Variants in SHTN1 observed in about 807,000 individuals in gnomAD.
SHTN1 encodes shootin-1.
SHTN1 carries 42 observed loss-of-function variants against 83.1 expected under a neutral mutation model. The observed-to-expected ratio is 0.51, with a 90% CI of 0.39 to 0.65. The LOEUF (loss-of-function observed/expected upper bound fraction) is 0.65. Ranked by LOEUF, SHTN1 falls within the 30% of genes least tolerant of loss-of-function variation. SHTN1 has a pLI of 0.00. For synonymous variants in SHTN1, 224 were observed against 247.7 expected, an observed-to-expected ratio of 0.90 and a Z score of 0.90; for missense variants, 622 against 737.8, an observed-to-expected ratio of 0.84 and a Z score of 1.82.
At chr10:117,012,558 ATAAAAAGGAGCC>A (rs1426010325) in intron 2 of SHTN1, among the ~76,000 whole-genome samples, 1 of 152,086 alleles carries the variant, frequency 6.6e-6, no homozygotes, top group African/African-American at 2.4e-5. Flanking sequence ...TCTTTTTTTT[ATAAAAAGGAGCC>A]GCAACACATG....
chr10:117,108,180 C>T lies in SHTN1; in HGVS notation c.-189+18127G>A, dbSNP rs185686989. ...AGTTGAAAAAGGACATATTAACTAC[C>T]ATTTAACCCAGCCATCCCATTACTG... is the stretch of plus-strand genomic sequence containing the variant. On this transcript the variant is annotated intron_variant, in intron 1 of 17. Transcript: ENST00000392901. Among the ~76,000 whole-genome samples the T allele has an allele frequency of 4.9e-3, 745 of 152,234 alleles. 10 individuals carry two copies. Among genetic ancestry groups the T allele is most frequent in the African/African-American group, 0.017 (707 of 41,538 alleles).
intron 13 of SHTN1, among the ~76,000 whole-genome samples, chr10:116,914,858 T>C (rs919479064): frequency 1.3e-5 from 2 of 152,174 alleles, no homozygotes; most frequent in African/African-American, 2.4e-5. Flanking sequence ...GGAAAACATT[T>C]GTGAAATTAA....
intron 9 of SHTN1, among the ~76,000 whole-genome samples, chr10:116,933,555 T>C (rs1317732932): frequency 6.6e-6 from 1 of 152,232 alleles, no homozygotes; most frequent in East Asian, 1.9e-4. Context: ...ATTTTCTTTA[T>C]CCAGTCTATC....
chr10:116,955,112 A>C (rs1338029569), intron 4 of SHTN1, among the ~76,000 whole-genome samples: 1 of 151,916 alleles, frequency 6.6e-6, no homozygotes, highest in Non-Finnish European at 1.5e-5. Context: ...AAAAAAAAAA[A>C]AAAAAAAAGG....
intron 9 of SHTN1, 121 bp downstream of exon 9, chr10:116,940,345 T>C: frequency 9.6e-7 from 1 of 1,038,074 alleles, no homozygotes; most frequent in Non-Finnish European, 1.4e-6. Flanking sequence ...ACTTAGTAAC[T>C]AAGGCAAAAT....
chr10:117,108,471 A>G (rs1225834716), intron 1 of SHTN1, among the ~76,000 whole-genome samples: 3 of 148,342 alleles, frequency 2.0e-5, no homozygotes, highest in Non-Finnish European at 4.5e-5. Context: ...AAAACCAAAC[A>G]CCGCATGTTC....
chr10:116,911,608 T>C (rs768251214), intron 14 of SHTN1, 182 bp downstream of exon 14: 4 of 1,551,748 alleles, frequency 2.6e-6, no homozygotes, highest in Non-Finnish European at 3.5e-6. Flanking sequence ...CAGTGTTATT[T>C]GAAAAATTAT....
intron 1 of SHTN1, among the ~76,000 whole-genome samples, chr10:117,090,095 T>C (rs1226953755): frequency 6.6e-6 from 1 of 152,198 alleles, no homozygotes; most frequent in Non-Finnish European, 1.5e-5. Flanking sequence ...CTCAAAGAGA[T>C]ATTTGTACAC....
At position 117,062,152 on chromosome 10, in the gene SHTN1, T is replaced by C. The variant is rs995941809; in HGVS notation, c.-188-13642A>G. On this transcript the variant is annotated intron_variant, in intron 1 of 17. Transcript: ENST00000392901. ...TCACATTAGTCTTTTAATTAAACTT[T>C]GTATACTTAACAAAATAACCTGATT... 2.0e-5 allele frequency among the ~76,000 whole-genome samples: 3 copies of C among 152,336 alleles called. No individual in the cohort carries two copies. In the South Asian group the frequency reaches 6.2e-4, roughly 32 times the overall value.
At chr10:116,911,420 T>G (rs1848186466) in intron 14 of SHTN1, 1 of 1,524,844 alleles carries the variant, frequency 6.6e-7, no homozygotes, top group South Asian at 1.2e-5. Context: ...ATTCTCCTTT[T>G]AGGCTTCAAA....
chr10:117,065,769 A>G (rs183116279), intron 1 of SHTN1, among the ~76,000 whole-genome samples: 5 of 36,508 alleles, frequency 1.4e-4, no homozygotes, highest in African/African-American at 5.5e-4. Flanking sequence ...AGAAAGAAAG[A>G]AAGAAAGAAA....
intron 1 of SHTN1, 68 bp downstream of exon 1, chr10:117,004,954 C>G (rs1851959580): frequency 6.8e-7 from 1 of 1,465,512 alleles, no homozygotes; most frequent in Admixed American, 2.0e-5. Flanking sequence ...GCCCTGGCCC[C>G]AGCGCCCTGG....
chr10:116,898,777 T>C (rs1375081646), intron 16 of SHTN1, among the ~76,000 whole-genome samples: 1 of 152,194 alleles, frequency 6.6e-6, no homozygotes, highest in Non-Finnish European at 1.5e-5. Context: ...AAAACACCCT[T>C]GCTTTGCATA....
At chr10:116,991,778 A>G (rs1474703426) in intron 1 of SHTN1, among the ~76,000 whole-genome samples, 1 of 152,140 alleles carries the variant, frequency 6.6e-6, no homozygotes, top group Non-Finnish European at 1.5e-5. Flanking sequence ...TCCAAACTAT[A>G]CAAATTTGCC....
At chr10:117,060,181 C>T (rs1487897313) in intron 1 of SHTN1, among the ~76,000 whole-genome samples, 2 of 151,976 alleles carry the variant, frequency 1.3e-5, no homozygotes, top group Non-Finnish European at 2.9e-5. Flanking sequence ...AAATTACATG[C>T]CACTGCACTC....
chr10:117,027,530 G>A (rs926748827), intron 2 of SHTN1, among the ~76,000 whole-genome samples: 2 of 150,168 alleles, frequency 1.3e-5, no homozygotes, highest in Admixed American at 6.7e-5. Flanking sequence ...ACAGAGTCTC[G>A]TTCTGTAGCA....
intron 1 of SHTN1, among the ~76,000 whole-genome samples, chr10:116,979,981 T>C (rs1850956218): frequency 6.6e-6 from 1 of 152,034 alleles, no homozygotes; most frequent in Non-Finnish European, 1.5e-5. Flanking sequence ...TTTCACTAAA[T>C]GGGGAAGATA....
chr10:117,113,313 G>A (rs1853794136), intron 1 of SHTN1, among the ~76,000 whole-genome samples: 1 of 152,202 alleles, frequency 6.6e-6, no homozygotes, highest in Non-Finnish European at 1.5e-5. Flanking sequence ...TGTCAAAAGA[G>A]CAGAAAATGT....
intron 1 of SHTN1, among the ~76,000 whole-genome samples, chr10:116,994,751 T>C (rs1009307900): frequency 6.6e-6 from 1 of 152,080 alleles, no homozygotes; most frequent in Non-Finnish European, 1.5e-5. Context: ...CCTATTTTGA[T>C]TGTTTTGAAT....
Sources: allele counts gnomAD v4.1 joint callset (sites outside exome capture counted in the v4.1 genomes callset), GRCh38; gene constraint gnomAD v4.1.1; transcripts MANE v1.5; gene names NCBI Gene and HGNC (gene_info 2026-07-23, HGNC 2026-07-21).